Variants in LRRC4C observed in about 807,000 individuals in gnomAD.
LRRC4C encodes leucine rich repeat containing 4C.
A neutral mutation model predicts 33.6 loss-of-function variants in LRRC4C; 5 were observed. That is an observed-to-expected ratio of 0.15 (90% CI 0.08 to 0.31). The LOEUF is 0.31. Among genes scored for constraint, LRRC4C ranks in the 10% least tolerant of loss-of-function variants. LRRC4C has a pLI of 1.00. For missense variants in LRRC4C, 560 were observed against 796.7 expected (o/e 0.70, Z 3.58); for synonymous variants, 329 against 302.0 (o/e 1.09, Z -0.93).
chr11:40,468,727 T>C (rs940330625), intron 3 of LRRC4C, among the ~76,000 whole-genome samples: 2 of 152,280 alleles, frequency 1.3e-5, no homozygotes, highest in South Asian at 4.1e-4. Flanking sequence ...AAATAGATTG[T>C]TACTCAATCC....
chr11:40,942,917 T>C (rs947742449), intron 1 of LRRC4C, among the ~76,000 whole-genome samples: 1 of 152,156 alleles, frequency 6.6e-6, no homozygotes, highest in Non-Finnish European at 1.5e-5. Context: ...TTACTAACTT[T>C]CTATGTCAGC....
At chr11:40,992,259 A>G (rs1853632114) in intron 1 of LRRC4C, among the ~76,000 whole-genome samples, 2 of 152,170 alleles carry the variant, frequency 1.3e-5, no homozygotes, top group South Asian at 4.1e-4. Context: ...CAACTGTAAA[A>G]TAATGCCACT....
chr11:40,554,525 G>A (rs1013843022), intron 3 of LRRC4C, among the ~76,000 whole-genome samples: 1 of 151,946 alleles, frequency 6.6e-6, no homozygotes, highest in Non-Finnish European at 1.5e-5. Context: ...GATATAAATA[G>A]CATTGAATCT....
chr11:41,403,990 A>G (rs984495034), intron 1 of LRRC4C, among the ~76,000 whole-genome samples: 3 of 152,112 alleles, frequency 2.0e-5, no homozygotes, highest in Non-Finnish European at 2.9e-5. Flanking sequence ...ATGACCTTGC[A>G]GTAGAAATAA....
intron 1 of LRRC4C, among the ~76,000 whole-genome samples, chr11:41,402,137 C>T (rs920165342): frequency 2.0e-4 from 30 of 151,858 alleles, no homozygotes; most frequent in African/African-American, 7.3e-4. Context: ...CAACAGGGTC[C>T]ATGGGATAAA....
At chr11:40,938,770 G>C (rs1958017000) in intron 1 of LRRC4C, among the ~76,000 whole-genome samples, 1 of 152,082 alleles carries the variant, frequency 6.6e-6, no homozygotes, top group South Asian at 2.1e-4. Flanking sequence ...CTTGATGTCT[G>C]TGTCTTCATC....
intron 1 of LRRC4C, among the ~76,000 whole-genome samples, chr11:41,079,944 T>C (rs1235021212): frequency 6.6e-6 from 1 of 152,126 alleles, no homozygotes; most frequent in East Asian, 1.9e-4. Context: ...ATCCACAGAT[T>C]CTACTGTATT....
chr11:40,625,751 C>G (rs1489947856), intron 3 of LRRC4C, among the ~76,000 whole-genome samples: 3 of 152,014 alleles, frequency 2.0e-5, no homozygotes, highest in African/African-American at 7.2e-5. Context: ...AGTCACTGAG[C>G]AAAAAATTTT....
intron 4 of LRRC4C, among the ~76,000 whole-genome samples, chr11:40,261,669 A>G (rs1414997158): frequency 6.6e-6 from 1 of 152,168 alleles, no homozygotes; most frequent in East Asian, 1.9e-4. Flanking sequence ...CCATAGCCCT[A>G]GAAACAAAAG....
At chr11:41,328,444 T>C (rs1028616280) in intron 1 of LRRC4C, among the ~76,000 whole-genome samples, 1 of 152,166 alleles carries the variant, frequency 6.6e-6, no homozygotes, top group Non-Finnish European at 1.5e-5. Context: ...CGTGTCTGTG[T>C]GTGTGTATGT....
intron 4 of LRRC4C, among the ~76,000 whole-genome samples, chr11:40,288,042 T>C (rs1943960656): frequency 6.6e-6 from 1 of 152,246 alleles, no homozygotes; most frequent in Admixed American, 6.5e-5. Flanking sequence ...ATTTATTGAA[T>C]GCTTGCTGTG....
chr11:40,327,327 T>TC (rs11453049), intron 3 of LRRC4C, among the ~76,000 whole-genome samples: 2 of 151,748 alleles, frequency 1.3e-5, no homozygotes, highest in African/African-American at 2.4e-5. Flanking sequence ...GCCATTTTTT[T>TC]CATAAATAAA....
At chr11:40,900,448 TA>T (rs1253506666) in intron 2 of LRRC4C, among the ~76,000 whole-genome samples, 4 of 152,126 alleles carry the variant, frequency 2.6e-5, no homozygotes, top group Admixed American at 2.6e-4. Context: ...ATAATTGTGC[TA>T]ATTGCCACTA....
At chr11:40,502,075 C>T (rs2196880) in intron 3 of LRRC4C, among the ~76,000 whole-genome samples, 83,463 of 151,908 alleles carry the variant, frequency 0.55, 23,403 homozygotes, top group East Asian at 0.81. Flanking sequence ...TGCCAGTCTC[C>T]TTGCTACAAC....
chr11:40,790,160 CG>C (rs1950568776), intron 2 of LRRC4C, among the ~76,000 whole-genome samples: 2 of 152,060 alleles, frequency 1.3e-5, no homozygotes, highest in Admixed American at 1.3e-4. Context: ...GAAAATATTT[CG>C]TAAGTGGATT....
chr11:41,006,776 G>T (rs1854784056), intron 1 of LRRC4C, among the ~76,000 whole-genome samples: 1 of 152,016 alleles, frequency 6.6e-6, no homozygotes, highest in Non-Finnish European at 1.5e-5. Flanking sequence ...GAAATTCTTT[G>T]TATTTTGCAA....
At chr11:40,468,905 T>C (rs1311499148) in intron 3 of LRRC4C, among the ~76,000 whole-genome samples, 1 of 152,218 alleles carries the variant, frequency 6.6e-6, no homozygotes, top group Non-Finnish European at 1.5e-5. Context: ...AAAAAAGTAA[T>C]ATTATTTTGC....
intron 3 of LRRC4C, among the ~76,000 whole-genome samples, chr11:40,370,348 T>C (rs183835700): frequency 5.3e-5 from 8 of 152,302 alleles, no homozygotes; most frequent in East Asian, 1.9e-4. Context: ...CTGCTGCATA[T>C]GGTACAGGAG....
intron 1 of LRRC4C, among the ~76,000 whole-genome samples, chr11:41,440,623 T>A (rs1955586430): frequency 6.6e-6 from 1 of 152,106 alleles, no homozygotes; most frequent in African/African-American, 2.4e-5. Flanking sequence ...ATGGTTTGGT[T>A]CTATGTCCCC....
Sources: allele counts gnomAD v4.1 joint callset (sites outside exome capture counted in the v4.1 genomes callset), GRCh38; gene constraint gnomAD v4.1.1; transcripts MANE v1.5; gene names NCBI Gene and HGNC (gene_info 2026-07-23, HGNC 2026-07-21).